BTD: variants seen among roughly 807,000 people sequenced by gnomAD.
BTD encodes the protein biocytinase.
BTD carries 13 observed loss-of-function variants against 17.7 expected under a neutral mutation model. The ratio of observed to expected loss-of-function variants is 0.74; its 90% CI spans 0.48 to 1.17. The LOEUF (loss-of-function observed/expected upper bound fraction) is 1.17, where lower values mean the gene tolerates loss of function less well. BTD is among the 50% of genes most tolerant of loss of function. BTD has a pLI of 0.00. For missense variants in BTD, 674 were observed against 650.4 expected (o/e 1.04, Z -0.39); for synonymous variants, 240 against 245.2 (o/e 0.98, Z 0.20).
At chr3:15,710,932 G>C (rs192494002) in exon 4 of BTD, among the ~76,000 whole-genome samples, 6 of 152,158 alleles carry the variant, frequency 3.9e-5, no homozygotes. Context: ...ACTTTTTAAA[G>C]AAATAGTTTT....
intron 1 of BTD, among the ~76,000 whole-genome samples, chr3:15,616,084 T>C (rs996354733): frequency 2.0e-5 from 3 of 152,210 alleles, no homozygotes; most frequent in African/African-American, 7.2e-5. Flanking sequence ...CAAGTTTTGG[T>C]AACTATGAAA....
chr3:15,686,699 A>G (rs528969573), intron 3 of BTD, among the ~76,000 whole-genome samples: 23 of 152,354 alleles, frequency 1.5e-4, no homozygotes, highest in Admixed American at 1.5e-3. Flanking sequence ...GATCAGTTTT[A>G]AGGTGAGCAG....
downstream of BTD, chr3:15,713,376 C>G (rs2072582127): frequency 1.7e-6 from 1 of 578,584 alleles, no homozygotes; most frequent in African/African-American, 2.0e-5. Flanking sequence ...ACATTTTAAC[C>G]TACCACTTTG....
At chr3:15,613,914 A>C (rs1202518639) in intron 1 of BTD, among the ~76,000 whole-genome samples, 4 of 152,026 alleles carry the variant, frequency 2.6e-5, no homozygotes, top group Non-Finnish European at 5.9e-5. Flanking sequence ...CTTTGAAGGC[A>C]ATCTCTCTTC....
intron 3 of BTD, among the ~76,000 whole-genome samples, chr3:15,689,128 C>T (rs1326190610): frequency 1.3e-5 from 2 of 152,188 alleles, no homozygotes; most frequent in African/African-American, 2.4e-5. Flanking sequence ...TCAAAAATTT[C>T]CCCAGACAGT....
At chr3:15,640,453 C>T (rs1291336072) in intron 2 of BTD, among the ~76,000 whole-genome samples, 2 of 149,990 alleles carry the variant, frequency 1.3e-5, no homozygotes, top group African/African-American at 2.5e-5. Context: ...TGCAATGGTG[C>T]GATCTCAGCT....
At chr3:15,601,462 A>G (rs757909979), upstream of BTD, 99 of 1,612,892 alleles carry the variant, frequency 6.1e-5, no homozygotes, top group Non-Finnish European at 7.9e-5. Context: ...ACTGTCCGGC[A>G]TCTTCCACCG....
At chr3:15,620,401 C>T (rs9825546) in intron 1 of BTD, among the ~76,000 whole-genome samples, 5,540 of 152,186 alleles carry the variant, frequency 0.036, 279 homozygotes, top group African/African-American at 0.11. Flanking sequence ...GATATGTTTC[C>T]TACTTGCACA....
chr3:15,716,668 AAAC>A (rs1022983771), downstream of BTD, among the ~76,000 whole-genome samples: 7 of 152,180 alleles, frequency 4.6e-5, no homozygotes, highest in African/African-American at 9.7e-5. Flanking sequence ...AAAACTAACT[AAAC>A]AACCCCCACA....
intron 1 of BTD, among the ~76,000 whole-genome samples, chr3:15,617,255 A>G (rs565524131): frequency 6.6e-5 from 10 of 152,300 alleles, no homozygotes; most frequent in African/African-American, 2.2e-4. Flanking sequence ...CTCAGTCTGT[A>G]GCTTATCTTC....
intron 1 of BTD, among the ~76,000 whole-genome samples, chr3:15,624,444 A>G (rs566968904): frequency 1.3e-5 from 2 of 150,474 alleles, no homozygotes; most frequent in Admixed American, 1.3e-4. Flanking sequence ...GGGCATTTCT[A>G]TTGTCATATT....
intron 1 of BTD, among the ~76,000 whole-genome samples, chr3:15,634,009 T>G (rs73817033): frequency 6.6e-6 from 1 of 152,154 alleles, no homozygotes; most frequent in Non-Finnish European, 1.5e-5. Flanking sequence ...TGGGGTTTGG[T>G]GTTTGGATGG....
At chr3:15,659,978 A>G (rs892840946) in intron 3 of BTD, among the ~76,000 whole-genome samples, 11 of 152,240 alleles carry the variant, frequency 7.2e-5, no homozygotes, top group African/African-American at 2.7e-4. Context: ...TAGACTGTTT[A>G]TTATTTCATT....
At chr3:15,681,373 T>TA (rs1242033019) in intron 3 of BTD, among the ~76,000 whole-genome samples, 2 of 152,222 alleles carry the variant, frequency 1.3e-5, no homozygotes, top group African/African-American at 2.4e-5. Flanking sequence ...TGTTCATCAA[T>TA]ATCTGGTCCA....
At chr3:15,612,989 GGA>G (rs1282519788) in intron 1 of BTD, among the ~76,000 whole-genome samples, 1 of 152,142 alleles carries the variant, frequency 6.6e-6, no homozygotes, top group Non-Finnish European at 1.5e-5. Context: ...GGTCAGCCGG[GGA>G]GAGAGTGTGT....
chr3:15,679,617 A>G (rs1400652346), intron 3 of BTD: 11 of 1,385,288 alleles, frequency 7.9e-6, no homozygotes, highest in Middle Eastern at 1.9e-4. Context: ...ACTGGCAAAA[A>G]TCACAGGTAC....
chr3:15,643,044 AT>A (rs200716722), intron 3 of BTD, among the ~76,000 whole-genome samples: 2,132 of 116,758 alleles, frequency 0.018, 91 homozygotes, highest in African/African-American at 0.084. Context: ...AAAAAAAAAA[AT>A]AAAATAAAAT....
chr3:15,608,915 C>CA (rs1279379843), intron 1 of BTD, among the ~76,000 whole-genome samples: 2 of 152,148 alleles, frequency 1.3e-5, no homozygotes, highest in Non-Finnish European at 1.5e-5. Flanking sequence ...CTTCTTCTGC[C>CA]ATTAGCATTC....
At chr3:15,711,420 C>T in exon 4 of BTD, 1 of 583,456 alleles carries the variant, frequency 1.7e-6, no homozygotes, top group African/African-American at 1.9e-5. Flanking sequence ...GTTTAAAAGG[C>T]AATAGGATAC....
Sources: gnomAD v4.1 joint callset for allele counts (sites outside exome capture counted in the v4.1 genomes callset) on GRCh38, gnomAD v4.1.1 for gene constraint, MANE v1.5 for transcripts, NCBI Gene and HGNC (gene_info 2026-07-23, HGNC 2026-07-21) for gene names.